TRIM37: variants seen among roughly 807,000 people sequenced by gnomAD.
The protein encoded by TRIM37 is E3 ubiquitin-protein ligase TRIM37.
A neutral mutation model predicts 129.8 loss-of-function variants in TRIM37; 80 were observed. The observed-to-expected ratio is 0.62, with a 90% CI of 0.51 to 0.74. The LOEUF is 0.74. TRIM37 is among the 30% of genes least tolerant of loss of function. TRIM37 has a pLI of 0.00. For synonymous variants in TRIM37, 389 were observed against 387.1 expected (o/e 1.00, Z -0.06); for missense variants, 1,054 against 1,176.5 (o/e 0.90, Z 1.52).
chr17:59,106,345 G>A, intron 1 of TRIM37, 96 bp downstream of exon 1: 1 of 1,448,642 alleles, frequency 6.9e-7, no homozygotes, highest in South Asian at 1.2e-5. Context: ...GGGTAGGGGT[G>A]CCCTACTGGA....
Position 59,079,738 on chromosome 17 carries a change from A to G in TRIM37, c.616+16T>C, listed in dbSNP as rs2043106636. Reference sequence around the variant, plus strand: ...TGAAAGCACCAGGTACCCCAGCAGCATACATAAACACTTACCCATCAGTGT... The same window carrying G: ...TGAAAGCACCAGGTACCCCAGCAGCGTACATAAACACTTACCCATCAGTGT... On this transcript the variant is annotated intron_variant, in intron 7 of 23. Transcript: ENST00000262294. The G allele has an allele frequency of 1.2e-6, 2 of 1,613,790 alleles. No homozygotes were observed. Among genetic ancestry groups the G allele is most frequent in the Non-Finnish European group, 1.7e-6 (2 of 1,179,750 alleles).
Position 58,998,978 on chromosome 17 carries a change from C to T in TRIM37, c.*399G>A. ...CCAAATATAAAGATGATTATTTAAACACAACTAAGCTCTAGCCAAAGACAG... is the reference window on the plus strand; with the variant it reads ...CCAAATATAAAGATGATTATTTAAATACAACTAAGCTCTAGCCAAAGACAG... On this transcript the variant is annotated 3_prime_UTR_variant, in exon 24 of 24. Coordinates refer to ENST00000262294, the MANE Select transcript of TRIM37 (RefSeq NM_015294.6). 1 of 1,039,086 alleles carries T rather than the reference C, an allele frequency of 9.6e-7. No homozygotes were observed. The highest frequency in any genetic ancestry group is 3.3e-5 in the South Asian group (1 of 30,458). The allele number at this position is 1,039,086 out of a possible 1,614,324, so 64.4% of individuals were successfully genotyped here.
intron 5 of TRIM37, among the ~76,000 whole-genome samples, chr17:59,083,752 T>C (rs533619975): frequency 8.7e-4 from 132 of 152,278 alleles, no homozygotes; most frequent in Non-Finnish European, 1.7e-3. Flanking sequence ...AACGAAAAGA[T>C]CTGCAAATGA....
intron 9 of TRIM37, among the ~76,000 whole-genome samples, chr17:59,065,373 T>G (rs1433263928): frequency 6.6e-6 from 1 of 152,208 alleles, no homozygotes; most frequent in African/African-American, 2.4e-5. Context: ...CTACACATTT[T>G]TATAGGATGA....
At position 59,027,027 on chromosome 17, in the gene TRIM37, G is replaced by C. The variant is rs545882110; in HGVS notation, c.2257+1388C>G. On this transcript the variant is annotated intron_variant, in intron 19 of 23. Coordinates refer to ENST00000262294, the MANE Select transcript of TRIM37 (RefSeq NM_015294.6). ...GAGTCAAAAATTTTGCTTCTCCATTGAAACTCCCTCCAAACTTGACCCTAT... is the reference window on the plus strand; with the variant it reads ...GAGTCAAAAATTTTGCTTCTCCATTCAAACTCCCTCCAAACTTGACCCTAT... Among the ~76,000 whole-genome samples, 5 of 151,960 alleles carry C rather than the reference G, an allele frequency of 3.3e-5. No individual in the cohort carries two copies. The South Asian group carries it at 8.3e-4, about 25-fold the overall frequency.
chr17:59,003,521 T>TGTA (rs2144596204), intron 22 of TRIM37, among the ~76,000 whole-genome samples: 1 of 151,850 alleles, frequency 6.6e-6, no homozygotes, highest in South Asian at 2.1e-4. Context: ...AGATGGGTAG[T>TGTA]GTAGTTATTT....
intron 7 of TRIM37, among the ~76,000 whole-genome samples, chr17:59,076,234 C>T (rs2042802306): frequency 6.6e-6 from 1 of 151,960 alleles, no homozygotes; most frequent in Non-Finnish European, 1.5e-5. Flanking sequence ...AAGTTGGAGA[C>T]AGAAAAGGAT....
chr17:59,073,048 C>T (rs999797214), intron 8 of TRIM37: 7 of 151,944 alleles, frequency 4.6e-5, no homozygotes, highest in Non-Finnish European at 8.8e-5. Flanking sequence ...TACATACATA[C>T]ACACATAATA....
intron 16 of TRIM37, among the ~76,000 whole-genome samples, chr17:59,047,365 TTCGA>T (rs1405388678): frequency 2.0e-5 from 3 of 152,162 alleles, no homozygotes; most frequent in African/African-American, 7.2e-5. Context: ...GAGAAGTATA[TTCGA>T]TCTCAAGTGT....
At chr17:59,043,617 G>A (rs1424567748) in intron 16 of TRIM37, among the ~76,000 whole-genome samples, 2 of 152,082 alleles carry the variant, frequency 1.3e-5, no homozygotes, top group Non-Finnish European at 2.9e-5. Context: ...AGGCACACAC[G>A]GCCAAGAGGT....
In TRIM37 at chr17:59,023,435, C is replaced by T. The variant is rs369284912; in HGVS notation, c.2257+4980G>A. On this transcript the variant is annotated intron_variant, in intron 19 of 23. Transcript: ENST00000262294. ...TTGGGAGGCCAAGACAGGCAGATCA[C>T]GAGGTCAGGAGATCAAGACCATCCT... Among the ~76,000 whole-genome samples, 5 of 152,098 alleles carry T rather than the reference C, an allele frequency of 3.3e-5. No individual in the cohort carries two copies. In the East Asian group the frequency reaches 5.8e-4, roughly 18 times the overall value.
At chr17:59,009,091 T>C (rs1379217598) in intron 22 of TRIM37, among the ~76,000 whole-genome samples, 1 of 152,186 alleles carries the variant, frequency 6.6e-6, no homozygotes, top group Non-Finnish European at 1.5e-5. Context: ...GCACTGGCTC[T>C]AGGTTCAAAT....
At chr17:59,012,212 C>CCACCAGCAGCAGCAGCAG (rs2035343424) in intron 22 of TRIM37, 116 bp downstream of exon 22, 1 of 384,060 alleles carries the variant, frequency 2.6e-6, no homozygotes, top group Non-Finnish European at 4.4e-6. Context: ...CCTATCACTA[C>CCACCAGCAGCAGCAGCAG]CACCAGCAGC....
chr17:59,072,287 G>T (rs923954758), intron 8 of TRIM37, among the ~76,000 whole-genome samples: 2 of 152,116 alleles, frequency 1.3e-5, no homozygotes, highest in Admixed American at 1.3e-4. Flanking sequence ...AATTTCTATT[G>T]TTTAAGTCTC....
At chr17:59,011,984 T>C (rs2035311088) in intron 22 of TRIM37, among the ~76,000 whole-genome samples, 1 of 152,214 alleles carries the variant, frequency 6.6e-6, no homozygotes, top group East Asian at 1.9e-4. Context: ...AACATATTTA[T>C]TGACCGAACA....
Position 59,049,257 on chromosome 17 carries a change from C to T in TRIM37, c.1451G>A (p.Gly484Asp), listed in dbSNP as rs1415825012. 6.2e-7 allele frequency: 1 copy of T among 1,614,142 alleles called. No individual in the cohort carries two copies. The highest frequency in any genetic ancestry group is 1.7e-5 in the Admixed American group (1 of 60,004). Residue 484 changes from glycine to aspartate, a missense_variant, in exon 15 of 24, where the codon GGT (glycine) becomes GAT (aspartate). Physicochemically the swap from Gly to Asp is moderately conservative, Grantham distance 94 (BLOSUM62 -1). Transcript: ENST00000262294. The part of the protein sequence containing the change: ...KSACSDMLLE[G>D]GPTTASVREA... ...TCTTACAGAAGCTGTAGTAGGACCA[C>T]CTTCGAGAAGCATGTCAGAGCATGC...
At chr17:58,979,822 A>AT (rs1377942371), downstream of TRIM37, 1 of 650,856 alleles carries the variant, frequency 1.5e-6, no homozygotes, top group Non-Finnish European at 2.6e-6. Context: ...GAATTTAAGT[A>AT]TTTTGTCAAA....
chr17:59,001,897 A>C (rs1302427323), intron 22 of TRIM37, among the ~76,000 whole-genome samples, 183 bp from the exon 23 acceptor site: 3 of 152,224 alleles, frequency 2.0e-5, no homozygotes, highest in Non-Finnish European at 4.4e-5. Flanking sequence ...GATTCTCTTT[A>C]GCTATTTAGA....
intron 12 of TRIM37, among the ~76,000 whole-genome samples, chr17:59,060,702 T>C (rs2041404697): frequency 6.6e-6 from 1 of 152,196 alleles, no homozygotes; most frequent in African/African-American, 2.4e-5. Context: ...ATGTTGGTGA[T>C]GGTTGTAGAA....
Sources: gnomAD v4.1 joint callset for allele counts (sites outside exome capture counted in the v4.1 genomes callset) on GRCh38, gnomAD v4.1.1 for gene constraint, MANE v1.5 for transcripts, NCBI Gene and HGNC (gene_info 2026-07-23, HGNC 2026-07-21) for gene names.